Variants in CSMD1 observed in about 807,000 individuals in gnomAD.
CSMD1 encodes the protein CUB and Sushi multiple domains 1.
A neutral mutation model predicts 417.5 loss-of-function variants in CSMD1; 213 were observed. The observed-to-expected ratio is 0.51, with a 90% CI of 0.46 to 0.57. CSMD1 has a LOEUF of 0.57. CSMD1 is among the 20% of genes least tolerant of loss of function. The pLI, the probability that CSMD1 is intolerant of heterozygous loss-of-function variation, is 0.00. For synonymous variants in CSMD1, 2,862 were observed against 1,736.8 expected (o/e 1.65, Z -16.11); for missense variants, 6,923 against 4,529.7 (o/e 1.53, Z -15.17).
At position 4,287,992 on chromosome 8, in the gene CSMD1, G is replaced by C. The variant is rs535791273; in HGVS notation, c.415+131961C>G. On this transcript the variant is annotated intron_variant, in intron 3 of 69. Transcript: ENST00000635120. ...CAATATGATAATAAAATTAAGGTTT[G>C]ATTTAAAGTTAAACTTCTGCCTTTT... is the stretch of plus-strand genomic sequence containing the variant. Among the ~76,000 whole-genome samples the C allele has an allele frequency of 4.6e-3, 696 of 152,192 alleles. 5 individuals carry two copies. The highest frequency in any genetic ancestry group is 0.014 in the South Asian group (66 of 4,826).
At chr8:3,482,108 A>G (rs1817781472) in intron 11 of CSMD1, among the ~76,000 whole-genome samples, 2 of 152,244 alleles carry the variant, frequency 1.3e-5, no homozygotes, top group African/African-American at 4.8e-5. Context: ...TAGGAAGGCA[A>G]GAAAAGCAGT....
chr8:3,617,951 A>G (rs1802225754), intron 7 of CSMD1, among the ~76,000 whole-genome samples: 1 of 152,170 alleles, frequency 6.6e-6, no homozygotes, highest in Non-Finnish European at 1.5e-5. Context: ...GGAACTCGTG[A>G]AGCATTTGAT....
chr8:4,910,188 A>G (rs1805569790), intron 1 of CSMD1, among the ~76,000 whole-genome samples: 1 of 152,226 alleles, frequency 6.6e-6, no homozygotes, highest in South Asian at 2.1e-4. Flanking sequence ...ATACACATAC[A>G]CACACTTGTT....
intron 1 of CSMD1, among the ~76,000 whole-genome samples, chr8:4,961,686 G>T (rs903014616): frequency 1.3e-5 from 2 of 151,266 alleles, no homozygotes; most frequent in Non-Finnish European, 3.0e-5. Flanking sequence ...AATTTTTATT[G>T]TTTTTTTTCT....
chr8:4,574,070 G>A (rs543702875), intron 2 of CSMD1, among the ~76,000 whole-genome samples: 1 of 152,234 alleles, frequency 6.6e-6, no homozygotes, highest in South Asian at 2.1e-4. Context: ...CCATGGGGGT[G>A]GGACCCACTG....
chr8:3,725,574 TGAGGA>T (rs1802434389), intron 6 of CSMD1, among the ~76,000 whole-genome samples: 1 of 151,870 alleles, frequency 6.6e-6, no homozygotes, highest in African/African-American at 2.4e-5. Flanking sequence ...TAGAAACAGT[TGAGGA>T]GAGAGGAAGC....
At chr8:4,544,389 G>C (rs1454367305) in intron 2 of CSMD1, among the ~76,000 whole-genome samples, 1 of 151,776 alleles carries the variant, frequency 6.6e-6, no homozygotes, top group Non-Finnish European at 1.5e-5. Context: ...AAAATCTATT[G>C]TTACTTTTAT....
In CSMD1 at chr8:4,446,137, C is replaced by T. The variant is rs146115327; in HGVS notation, c.303-26072G>A. On this transcript the variant is annotated intron_variant, in intron 2 of 69. Coordinates refer to ENST00000635120, the MANE Select transcript of CSMD1 (RefSeq NM_033225.6). The stretch of plus-strand genomic sequence containing the variant: ...ATTTTGTTGTTACATTCGTTACATA[C>T]GTGAGTTTTGAACTGAAACCCATAC... 2.0e-4 allele frequency among the ~76,000 whole-genome samples: 31 copies of T among 152,252 alleles called. No individual in the cohort carries two copies. In the East Asian group the frequency reaches 3.7e-3, roughly 18 times the overall value.
chr8:3,391,081 G>C (rs1417773897), intron 17 of CSMD1, among the ~76,000 whole-genome samples: 2 of 152,158 alleles, frequency 1.3e-5, no homozygotes, highest in South Asian at 4.1e-4. Context: ...GCATGGGCAT[G>C]TTATATATAC....
intron 10 of CSMD1, among the ~76,000 whole-genome samples, chr8:3,565,679 T>C (rs1274975923): frequency 6.6e-6 from 1 of 152,218 alleles, no homozygotes; most frequent in Non-Finnish European, 1.5e-5. Context: ...CTGATAAACA[T>C]ATCAGGATTT....
intron 12 of CSMD1, among the ~76,000 whole-genome samples, chr8:3,437,329 C>G (rs1027337334): frequency 6.6e-6 from 1 of 152,162 alleles, no homozygotes. Context: ...TATTATTGGC[C>G]TCAACTCGGG....
intron 5 of CSMD1, among the ~76,000 whole-genome samples, chr8:3,889,837 T>A (rs1806835053): frequency 1.3e-5 from 2 of 152,070 alleles, no homozygotes; most frequent in African/African-American, 4.8e-5. Flanking sequence ...TTTGACTATT[T>A]TGTATTCATG....
intron 9 of CSMD1, among the ~76,000 whole-genome samples, chr8:3,576,331 C>T (rs1186783089): frequency 4.0e-5 from 6 of 150,716 alleles, no homozygotes; most frequent in African/African-American, 1.2e-4. Flanking sequence ...CATAATGCTT[C>T]TTTAATCTGT....
chr8:3,508,096 G>GA (rs1205657417), intron 10 of CSMD1, among the ~76,000 whole-genome samples: 1 of 152,128 alleles, frequency 6.6e-6, no homozygotes, highest in Admixed American at 6.5e-5. Flanking sequence ...CCTATGTCCT[G>GA]AATGGTATTG....
rs1032618525 is a variant in CSMD1, at chr8:2,974,301, G to A, written c.8740+150C>T. ...GATGAAGACAATATCTATAAGAGCG[G>A]CGTATTTGGCTAGAAATGCAATACT... On this transcript the variant is annotated intron_variant, in intron 56 of 69. Transcript: ENST00000635120. 4 of 655,106 alleles carry A rather than the reference G, an allele frequency of 6.1e-6. No homozygotes were observed. The African/African-American group carries it at 7.3e-5, about 12-fold the overall frequency. 40.6% of individuals were successfully genotyped at this position (655,106 alleles called of 1,614,324 possible).
intron 5 of CSMD1, among the ~76,000 whole-genome samples, chr8:3,974,530 G>GT (rs1813295519): frequency 6.6e-6 from 1 of 151,994 alleles, no homozygotes; most frequent in South Asian, 2.1e-4. Flanking sequence ...CATAGTAGTT[G>GT]TTTAGTTGTC....
At chr8:4,822,113 T>C (rs892189482) in intron 1 of CSMD1, among the ~76,000 whole-genome samples, 1 of 152,044 alleles carries the variant, frequency 6.6e-6, no homozygotes, top group Non-Finnish European at 1.5e-5. Context: ...ATTCACATGC[T>C]TCCTATCTTC....
chr8:3,782,395 C>T (rs1272967480), intron 5 of CSMD1, among the ~76,000 whole-genome samples: 5 of 152,044 alleles, frequency 3.3e-5, no homozygotes, highest in Admixed American at 6.6e-5. Flanking sequence ...TCACGATAAA[C>T]TAAAAAATAG....
At chr8:3,118,718 T>C (rs1817013378) in intron 41 of CSMD1, 131 bp from the exon 42 acceptor site, 1 of 729,678 alleles carries the variant, frequency 1.4e-6, no homozygotes, top group African/African-American at 1.8e-5. Flanking sequence ...GTATATTTTC[T>C]AAGTAGTCAG....
Sources: gnomAD v4.1 joint callset for allele counts (sites outside exome capture counted in the v4.1 genomes callset) on GRCh38, gnomAD v4.1.1 for gene constraint, MANE v1.5 for transcripts, NCBI Gene and HGNC (gene_info 2026-07-23, HGNC 2026-07-21) for gene names.